SORCS1: variants seen among roughly 807,000 people sequenced by gnomAD.
SORCS1 encodes VPS10 domain-containing receptor SorCS1.
SORCS1 carries 60 observed loss-of-function variants against 146.1 expected under a neutral mutation model. That is an observed-to-expected ratio of 0.41 (90% confidence interval 0.33 to 0.51). SORCS1 has a LOEUF of 0.51. Ranked by LOEUF, SORCS1 falls within the 20% of genes least tolerant of loss-of-function variation. The probability of loss-of-function intolerance (pLI) is 0.21; values close to 1 mark genes in which losing one functional copy is unlikely to be tolerated. For synonymous variants in SORCS1, 637 were observed against 584.0 expected, an observed-to-expected ratio of 1.09 and a Z score of -1.31; for missense variants, 1,352 against 1,487.6, an observed-to-expected ratio of 0.91 and a Z score of 1.50.
chr10:106,892,800 T>A (rs1951286152), intron 2 of SORCS1, among the ~76,000 whole-genome samples: 1 of 152,038 alleles, frequency 6.6e-6, no homozygotes. Context: ...ATCTAAGAAC[T>A]GCACATTTCA....
At chr10:106,677,236 G>T in intron 13 of SORCS1, 77 bp downstream of exon 13, 1 of 1,334,414 alleles carries the variant, frequency 7.5e-7, no homozygotes, top group Non-Finnish European at 1.1e-6. Context: ...GACACGGTTT[G>T]ATAGCCTGAC....
intron 5 of SORCS1, among the ~76,000 whole-genome samples, chr10:106,745,568 G>A (rs575532073): frequency 3.3e-5 from 5 of 152,214 alleles, no homozygotes; most frequent in African/African-American, 4.8e-5. Flanking sequence ...TGTTCTCAAC[G>A]TATCTCTCCA....
chr10:106,843,652 G>T (rs901418506), intron 2 of SORCS1, among the ~76,000 whole-genome samples: 3 of 152,118 alleles, frequency 2.0e-5, no homozygotes, highest in Non-Finnish European at 4.4e-5. Flanking sequence ...AGCCAGGATG[G>T]TCTCCATCTC....
At chr10:106,918,896 G>A (rs528946628) in intron 2 of SORCS1, among the ~76,000 whole-genome samples, 1 of 152,184 alleles carries the variant, frequency 6.6e-6, no homozygotes, top group South Asian at 2.1e-4. Flanking sequence ...GAGTACAGTG[G>A]CATGATCTTG....
chr10:106,630,691 G>A (rs1848389986), intron 18 of SORCS1, among the ~76,000 whole-genome samples: 1 of 152,158 alleles, frequency 6.6e-6, no homozygotes, highest in Non-Finnish European at 1.5e-5. Context: ...AGATTAATTA[G>A]TCATCTGTAA....
chr10:107,118,144 G>C (rs1422840036), intron 1 of SORCS1, among the ~76,000 whole-genome samples: 1 of 151,942 alleles, frequency 6.6e-6, no homozygotes, highest in African/African-American at 2.4e-5. Flanking sequence ...CTCATGAATG[G>C]GATTAATGTC....
chr10:107,164,971 C>T (rs1970001182), upstream of SORCS1, among the ~76,000 whole-genome samples: 1 of 150,658 alleles, frequency 6.6e-6, no homozygotes, highest in Non-Finnish European at 1.5e-5. This position sits in a 1 kb window ranked among gnomAD's most constrained non-coding sequence, Gnocchi z 6.8. Context: ...CCCGCGGCCG[C>T]GGGTCCCGGC....
intron 2 of SORCS1, among the ~76,000 whole-genome samples, chr10:106,920,470 C>T (rs1225804895): frequency 6.6e-6 from 1 of 152,112 alleles, no homozygotes; most frequent in Non-Finnish European, 1.5e-5. Context: ...TAATCAAAAT[C>T]CTGTATACAA....
Position 106,578,959 on chromosome 10 carries a change from G to C in SORCS1, c.3371+410C>G, listed in dbSNP as rs1844728354. On this transcript the variant is annotated intron_variant, in intron 25 of 25. Coordinates refer to ENST00000263054, the MANE Select transcript of SORCS1 (RefSeq NM_052918.5). ...CCCAATCAGAGGAAGCAGGGAAAAA[G>C]CCATCTTAGCTGTTTCTCTCAGGGG... 7 of 1,436,210 alleles carry C rather than the reference G, an allele frequency of 4.9e-6. No individual in the cohort carries two copies. In the South Asian group the frequency reaches 9.2e-5, roughly 19 times the overall value. The allele number at this position is 1,436,210 out of a possible 1,614,324, so 89.0% of individuals were successfully genotyped here. A position where few individuals can be genotyped will look rare whatever the true frequency, so the allele number is the denominator to read the frequency against.
Position 107,164,102 on chromosome 10 carries a change from G to A in SORCS1, c.425C>T (p.Thr142Ile), listed in dbSNP as rs1012904641. The A allele has an allele frequency of 1.9e-6, 3 of 1,613,804 alleles. No homozygotes were observed. The highest frequency in any genetic ancestry group is 2.5e-6 in the Non-Finnish European group (3 of 1,180,024). ...LRDGGQQEPG[T>I]RERDPDKATR... is the part of the protein sequence containing the mutation. ...GGCTTTGTCCGGGTCCCGCTCCCGAGTCCCAGGCTCCTGCTGCCCTCCATC... is the reference window on the plus strand; with the variant it reads ...GGCTTTGTCCGGGTCCCGCTCCCGAATCCCAGGCTCCTGCTGCCCTCCATC... The change falls in exon 1 of 26, where the codon ACT becomes ATT. Residue 142 changes from threonine to isoleucine, a missense_variant. Thr to Ile is a moderately conservative substitution (Grantham distance 89). Transcript: ENST00000263054. This position sits in a 1 kb window ranked among gnomAD's most constrained non-coding sequence, Gnocchi z 6.8.
intron 3 of SORCS1, among the ~76,000 whole-genome samples, chr10:106,782,352 C>T (rs1258647300): frequency 6.6e-6 from 1 of 152,166 alleles, no homozygotes; most frequent in East Asian, 1.9e-4. Context: ...AACTCCTGGG[C>T]TCAAGGGATC....
intron 1 of SORCS1, among the ~76,000 whole-genome samples, chr10:107,118,443 G>A (rs1015862355): frequency 6.6e-6 from 1 of 152,184 alleles, no homozygotes; most frequent in African/African-American, 2.4e-5. Flanking sequence ...TCCATCAGTT[G>A]AATGGGATCA....
chr10:106,895,958 T>TAG (rs1951458644), intron 2 of SORCS1, among the ~76,000 whole-genome samples: 1 of 151,964 alleles, frequency 6.6e-6, no homozygotes, highest in Non-Finnish European at 1.5e-5. Flanking sequence ...TGTGTATATA[T>TAG]ATATATGCCT....
In SORCS1 at chr10:106,648,575, G is replaced by A. The variant is rs183146875; in HGVS notation, c.2475+3807C>T. 7.8e-3 allele frequency among the ~76,000 whole-genome samples: 1,165 copies of A among 150,220 alleles called. 16 individuals are homozygous for A. Among genetic ancestry groups the A allele is most frequent in the African/African-American group, 0.028 (1,096 of 39,758 alleles). ...TGCTCTTCATTCCTTCTATTATTTT[G>A]TGTGTGTGTCTCTGTCTGGGTCATT... On this transcript the variant is annotated intron_variant, in intron 18 of 25. Transcript: ENST00000263054.
chr10:106,667,708 T>A lies in SORCS1; in HGVS notation c.2284A>T (p.Ser762Cys), dbSNP rs750949558. ...ACTTACCCAGTACTATTGAGGTAAC[T>A]CTGTCCCAAGCTGCAATCCTTTGAC... ...SLSKDCSLGQ[S>C]YLNSTGYRKV... The change falls in exon 17 of 26, where the codon AGT becomes TGT. Residue 762 changes from serine (S) to cysteine (C), a missense_variant. Ser to Cys is a moderately radical substitution (Grantham distance 112). Around this residue, in one of 3 missense-constraint regions of SORCS1, gnomAD observed 648 missense variants for 793.8 expected, o/e 0.82. Transcript: ENST00000263054. 3 of 1,613,998 alleles carry A rather than the reference T, an allele frequency of 1.9e-6. No homozygotes were observed. The highest frequency in any genetic ancestry group is 1.7e-6 in the Non-Finnish European group (2 of 1,179,958).
chr10:106,731,785 T>C (rs1347073727), intron 5 of SORCS1, among the ~76,000 whole-genome samples: 1 of 152,092 alleles, frequency 6.6e-6, no homozygotes, highest in Admixed American at 6.6e-5. Flanking sequence ...AGGTCTTCTC[T>C]TTACACACTT....
intron 4 of SORCS1, among the ~76,000 whole-genome samples, chr10:106,766,124 T>C (rs1317812424): frequency 6.6e-6 from 1 of 152,158 alleles, no homozygotes; most frequent in Middle Eastern, 3.2e-3. Context: ...AGGAGGCGCC[T>C]GTGTTGGCGG....
chr10:107,065,510 C>CTCCTTTCTT (rs71025577), intron 1 of SORCS1, among the ~76,000 whole-genome samples: 3 of 86,360 alleles, frequency 3.5e-5, no homozygotes, highest in South Asian at 4.1e-4. Context: ...CTCCTCTCCT[C>CTCCTTTCTT]TCTTTCTTTC....
rs1187362879 is a variant in SORCS1 at position 106,751,186 on chromosome 10, T to C, written c.959+10402A>G. ...AGAAGAAATACCACGCCTCTCAAGG[T>C]AATAAAAATTTTCTTATCTAGCACT... On this transcript the variant is annotated intron_variant, in intron 5 of 25. Coordinates refer to ENST00000263054, the MANE Select transcript of SORCS1 (RefSeq NM_052918.5). Among the ~76,000 whole-genome samples the C allele has an allele frequency of 3.4e-5, 5 of 148,804 alleles. No homozygotes were observed. In the South Asian group the frequency reaches 1.1e-3, roughly 32 times the overall value.
Sources: gnomAD v4.1 joint callset for allele counts (sites outside exome capture counted in the v4.1 genomes callset) on GRCh38, gnomAD v4.1.1 for gene constraint, gnomAD v4.1.1 regional missense constraint, Gnocchi (gnomAD v3.1) non-coding constraint, MANE v1.5 for transcripts, NCBI Gene and HGNC (gene_info 2026-07-23, HGNC 2026-07-21) for gene names.